Variants in TMEFF2 observed in about 807,000 individuals in gnomAD.
TMEFF2 encodes the protein tomoregulin-2.
TMEFF2 carries 28 observed loss-of-function variants against 53.8 expected under a neutral mutation model. The ratio of observed to expected loss-of-function variants is 0.52; its 90% CI spans 0.39 to 0.71. TMEFF2 has a LOEUF of 0.71. Among genes scored for constraint, TMEFF2 ranks in the 30% least tolerant of loss-of-function variants. The probability of loss-of-function intolerance (pLI) is 0.00; values close to 1 mark genes in which losing one functional copy is unlikely to be tolerated. For missense variants in TMEFF2, 353 were observed against 455.2 expected, an observed-to-expected ratio of 0.78 and a Z score of 2.04; for synonymous variants, 162 against 166.3, an observed-to-expected ratio of 0.97 and a Z score of 0.20.
At chr2:191,986,887 T>G (rs1290467279) in intron 7 of TMEFF2, among the ~76,000 whole-genome samples, 1 of 150,824 alleles carries the variant, frequency 6.6e-6, no homozygotes, top group Non-Finnish European at 1.5e-5. Flanking sequence ...AAAGTGTGTT[T>G]GAAGCAGCAA....
chr2:191,992,477 C>T (rs1686130002), intron 7 of TMEFF2, among the ~76,000 whole-genome samples: 1 of 151,970 alleles, frequency 6.6e-6, no homozygotes, highest in South Asian at 2.1e-4. Context: ...CACAGGTAGG[C>T]AGTCAAAATG....
At chr2:192,166,460 A>AT (rs1293798327) in intron 4 of TMEFF2, among the ~76,000 whole-genome samples, 1 of 152,210 alleles carries the variant, frequency 6.6e-6, no homozygotes, top group East Asian at 1.9e-4. Context: ...AATGTATTAC[A>AT]TTCCTGTAGA....
chr2:191,967,517 G>A (rs1377822679), intron 7 of TMEFF2, among the ~76,000 whole-genome samples: 2 of 152,140 alleles, frequency 1.3e-5, no homozygotes, highest in East Asian at 3.9e-4. Context: ...CCAGGCTTTG[G>A]TCTTGATCAG....
intron 7 of TMEFF2, among the ~76,000 whole-genome samples, chr2:191,973,473 A>C (rs1019769303): frequency 1.0e-5 from 1 of 95,968 alleles, no homozygotes; most frequent in Non-Finnish European, 2.6e-5. Context: ...ATATATACCT[A>C]TACATGCATA....
chr2:192,012,524 C>T (rs973462000), intron 5 of TMEFF2, among the ~76,000 whole-genome samples: 1 of 152,210 alleles, frequency 6.6e-6, no homozygotes, highest in South Asian at 2.1e-4. Context: ...ATTATTCATC[C>T]AAATGTTGTA....
At chr2:192,020,992 C>G (rs1686846151) in intron 5 of TMEFF2, among the ~76,000 whole-genome samples, 2 of 152,156 alleles carry the variant, frequency 1.3e-5, no homozygotes, top group African/African-American at 4.8e-5. Context: ...GTGTAATACT[C>G]AACAACACTT....
chr2:192,025,164 G>A (rs1488308172), intron 5 of TMEFF2, among the ~76,000 whole-genome samples: 1 of 152,150 alleles, frequency 6.6e-6, no homozygotes, highest in Non-Finnish European at 1.5e-5. Context: ...GTTGGTGATG[G>A]ACAGAGTGCC....
chr2:192,058,962 C>A (rs948700777), intron 4 of TMEFF2, among the ~76,000 whole-genome samples: 13 of 148,244 alleles, frequency 8.8e-5, no homozygotes, highest in African/African-American at 2.7e-4. Context: ...ATGTTATTTT[C>A]TCTTCATTTC....
chr2:192,175,476 TAC>T (rs1340696628), intron 4 of TMEFF2, among the ~76,000 whole-genome samples: 1 of 151,636 alleles, frequency 6.6e-6, no homozygotes, highest in African/African-American at 2.4e-5. Flanking sequence ...ACTGATTTTC[TAC>T]ACCAAATTTA....
chr2:192,184,905 T>C (rs1409453788), intron 2 of TMEFF2, among the ~76,000 whole-genome samples: 1 of 152,090 alleles, frequency 6.6e-6, no homozygotes, highest in African/African-American at 2.4e-5. Flanking sequence ...TGGAAATATA[T>C]AGCCAAAATG....
chr2:192,131,609 TTC>T (rs775745680), intron 4 of TMEFF2, among the ~76,000 whole-genome samples: 3 of 152,010 alleles, frequency 2.0e-5, no homozygotes, highest in African/African-American at 4.8e-5. Flanking sequence ...CCCCAACACT[TTC>T]TCTGCTTTTC....
chr2:192,122,778 CA>C (rs1321643643), intron 4 of TMEFF2, among the ~76,000 whole-genome samples: 29 of 152,082 alleles, frequency 1.9e-4, no homozygotes, highest in African/African-American at 7.0e-4. Flanking sequence ...AAAATACTAT[CA>C]GGCACTAACA....
intron 4 of TMEFF2, among the ~76,000 whole-genome samples, chr2:192,123,153 G>A (rs1689597976): frequency 1.3e-5 from 2 of 152,156 alleles, no homozygotes; most frequent in South Asian, 4.1e-4. Context: ...CATTCTTGAT[G>A]TGTTAATGGC....
At chr2:192,011,978 C>T (rs1686638377) in intron 5 of TMEFF2, among the ~76,000 whole-genome samples, 1 of 152,144 alleles carries the variant, frequency 6.6e-6, no homozygotes, top group Non-Finnish European at 1.5e-5. Flanking sequence ...GCTCTGCCTC[C>T]CAAGTTCTCG....
At chr2:192,164,018 C>G (rs984818958) in intron 4 of TMEFF2, among the ~76,000 whole-genome samples, 1 of 152,158 alleles carries the variant, frequency 6.6e-6, no homozygotes, top group African/African-American at 2.4e-5. Flanking sequence ...TTGCCTGCTC[C>G]ACTATAATAA....
intron 7 of TMEFF2, among the ~76,000 whole-genome samples, chr2:191,979,874 A>C (rs1041468111): frequency 6.6e-6 from 1 of 151,970 alleles, no homozygotes; most frequent in Non-Finnish European, 1.5e-5. Context: ...CTATCTATCT[A>C]TATGTTTTAG....
intron 4 of TMEFF2, among the ~76,000 whole-genome samples, chr2:192,104,948 C>T (rs756454833): frequency 6.6e-6 from 1 of 151,812 alleles, no homozygotes; most frequent in Non-Finnish European, 1.5e-5. Context: ...AAATTGTAAC[C>T]CTGACTGTTA....
At chr2:192,031,912 G>T (rs780333325) in intron 5 of TMEFF2, 3 of 152,188 alleles carry the variant, frequency 2.0e-5, no homozygotes, top group Non-Finnish European at 4.4e-5. Context: ...GAAATCAGAA[G>T]ATCATTCAGA....
At chr2:192,061,106 TC>T (rs1381740632) in intron 4 of TMEFF2, among the ~76,000 whole-genome samples, 1 of 152,212 alleles carries the variant, frequency 6.6e-6, no homozygotes, top group East Asian at 1.9e-4. Flanking sequence ...TTCTTGCTGG[TC>T]CTACATGATG....
Sources: gnomAD v4.1 joint callset for allele counts (sites outside exome capture counted in the v4.1 genomes callset) on GRCh38, gnomAD v4.1.1 for gene constraint, MANE v1.5 for transcripts, NCBI Gene and HGNC (gene_info 2026-07-23, HGNC 2026-07-21) for gene names.